Variants in SNAPC4 observed in about 807,000 individuals in gnomAD.
SNAPC4 encodes the protein snRNA-activating protein complex subunit 4.
SNAPC4 carries 127 observed loss-of-function variants against 151.3 expected under a neutral mutation model. The ratio of observed to expected loss-of-function variants is 0.84; its 90% confidence interval spans 0.73 to 0.97. The LOEUF (loss-of-function observed/expected upper bound fraction) is 0.97, where lower values mean the gene tolerates loss of function less well. Among genes scored for constraint, SNAPC4 ranks in the 50% least tolerant of loss-of-function variants. The pLI, the probability that SNAPC4 is intolerant of heterozygous loss-of-function variation, is 0.00. For synonymous variants in SNAPC4, 1,002 were observed against 824.4 expected (o/e 1.22, Z -3.69); for missense variants, 2,186 against 1,935.0 (o/e 1.13, Z -2.43).
rs542621319 is a variant in SNAPC4 at position 136,383,533 on chromosome 9, C to T, written c.1636G>A (p.Glu546Lys). 2.3e-5 allele frequency: 36 copies of T among 1,592,526 alleles called. No homozygotes were observed. Among genetic ancestry groups the T allele is most frequent in the Admixed American group, 5.3e-5 (3 of 56,184 alleles). Reference protein sequence around the residue: ...SSSSSSSEEDEPEQAQAGEGD... With the variant: ...SSSSSSSEEDKPEQAQAGEGD... ...TCCCCGGCCTGCGCCTGCTCTGGCT[C>T]GTCCTCCTCGCTGCTGCTGCTGCTG... Residue 546 changes from glutamate (E) to lysine (K), a missense_variant, in exon 16 of 24, where the codon GAG (glutamate) becomes AAG (lysine). Glu to Lys is a moderately conservative substitution (Grantham distance 56, BLOSUM62 1). Transcript: ENST00000684778. The surrounding 1 kb of genome is among the most constrained non-coding windows in gnomAD (Gnocchi z 4.2).
intron 22 of SNAPC4, among the ~76,000 whole-genome samples, chr9:136,377,249 T>C (rs943189697): frequency 1.3e-5 from 2 of 152,122 alleles, no homozygotes; most frequent in African/African-American, 4.8e-5. Context: ...ATCCCAGAGC[T>C]TCTCGCTCAG....
At chr9:136,395,167 G>C in intron 5 of SNAPC4, 131 bp downstream of exon 5, 2 of 1,203,334 alleles carry the variant, frequency 1.7e-6, no homozygotes, top group Non-Finnish European at 2.3e-6. Flanking sequence ...GGAGGAGGCA[G>C]TTTGAAGGAG....
chr9:136,382,486 A>G, intron 16 of SNAPC4, 150 bp from the exon 17 acceptor site: 1 of 707,830 alleles, frequency 1.4e-6, no homozygotes, highest in East Asian at 2.7e-5. Flanking sequence ...AACGTCCACC[A>G]TGGGAAGCGT....
At chr9:136,388,392 T>TG in intron 11 of SNAPC4, 52 bp downstream of exon 11, 3 of 1,586,026 alleles carry the variant, frequency 1.9e-6, no homozygotes, top group East Asian at 2.2e-5. Context: ...TCCAGTGTCC[T>TG]GATATGGGGC....
intron 10 of SNAPC4, among the ~76,000 whole-genome samples, chr9:136,390,447 C>T (rs1360038283): frequency 3.5e-5 from 5 of 140,984 alleles, no homozygotes; most frequent in South Asian, 2.4e-4. Context: ...CCCAGCTACT[C>T]GGGAGGCTGA....
In SNAPC4 at chr9:136,378,413, G is replaced by A; in HGVS notation, c.3414C>T (p.Ala1138=). 2 of 1,603,828 alleles carry A rather than the reference G, an allele frequency of 1.2e-6. No individual in the cohort carries two copies. Among genetic ancestry groups the A allele is most frequent in the South Asian group, 2.2e-5 (2 of 90,604 alleles). The change falls in exon 22 of 24, where the codon GCC becomes GCT. Residue 1138 remains alanine (A), a synonymous_variant. Transcript: ENST00000684778. ...AAGGCTCCGGTTCCCTGTTCATATT[G>A]GCTGGGGGCTGCCAAGAGCTGCTCA... The part of the protein sequence containing the change: ...PALSSSWQPP[A]NMNREPEPSC...
chr9:136,384,158 G>T, intron 14 of SNAPC4, 126 bp from the exon 15 acceptor site: 1 of 701,082 alleles, frequency 1.4e-6, no homozygotes, highest in South Asian at 1.9e-5. Flanking sequence ...TCTCACGCTG[G>T]GGGGTCAAGC....
At position 136,392,794 on chromosome 9, in the gene SNAPC4, A is replaced by G; in HGVS notation, c.633-17T>C. 1 of 1,609,668 alleles carries G rather than the reference A, an allele frequency of 6.2e-7. No homozygotes were observed. Among genetic ancestry groups the G allele is most frequent in the Non-Finnish European group, 8.5e-7 (1 of 1,176,970 alleles). On this transcript the variant is annotated splice_polypyrimidine_tract_variant and intron_variant, in intron 7 of 23. Coordinates refer to ENST00000684778, the MANE Select transcript of SNAPC4 (RefSeq NM_003086.4). ...TACTCGAGCCTGCAAAGCAGAGCAG[A>G]GGCAGAAGGGCTGGGGCACGAGGGC...
At chr9:136,379,429 C>A in intron 21 of SNAPC4, 130 bp from the exon 22 acceptor site, 1 of 1,415,146 alleles carries the variant, frequency 7.1e-7, no homozygotes, top group Non-Finnish European at 9.5e-7. Flanking sequence ...GAGGGTCAAG[C>A]GGCACATCCT....
At chr9:136,392,158 C>T in intron 9 of SNAPC4, 52 bp from the exon 10 acceptor site, 2 of 1,599,666 alleles carry the variant, frequency 1.3e-6, no homozygotes, top group South Asian at 2.2e-5. Context: ...CAGGGGCACC[C>T]TAGACGCAGC....
chr9:136,381,187 A>C, intron 19 of SNAPC4, 135 bp downstream of exon 19: 1 of 749,278 alleles, frequency 1.3e-6, no homozygotes, highest in Non-Finnish European at 2.4e-6. Flanking sequence ...AGTGTAAGGC[A>C]TGAAAAGTGC....
chr9:136,388,493 C>A lies in SNAPC4; in HGVS notation c.1074G>T (p.Thr358=). The A allele has an allele frequency of 6.2e-7, 1 of 1,612,616 alleles. No individual in the cohort carries two copies. The highest frequency in any genetic ancestry group is 1.1e-5 in the South Asian group (1 of 90,850). ...EWTEEEDRML[T]QLVQEMRVGS... ...CGACGCGCATCTCCTGCACCAGCTG[C>A]GTGAGCATGCGGTCCTCCTCCTCTG... The change falls in exon 11 of 24, where the codon ACG becomes ACT. Residue 358 remains threonine, a synonymous_variant. Transcript: ENST00000684778.
At chr9:136,389,506 T>C (rs1833997641) in intron 10 of SNAPC4, among the ~76,000 whole-genome samples, 2 of 152,056 alleles carry the variant, frequency 1.3e-5, no homozygotes, top group Admixed American at 6.5e-5. Flanking sequence ...ATCACAGGTC[T>C]ATCTGAGACT....
At position 136,382,047 on chromosome 9, in the gene SNAPC4, C is replaced by T. The variant is rs1382738764; in HGVS notation, c.2094G>A (p.Leu698=). ...TQKEQLRQPP[L]PTSSPGVSSG... is the part of the protein sequence containing the mutation. ...AGCTGACCCCTGGGGATGAGGTGGG[C>T]AGGGGTGGCTGCCTCAGCTGCTCTT... The change falls in exon 18 of 24, where the codon CTG becomes CTA. Residue 698 remains leucine (L), a synonymous_variant. Transcript: ENST00000684778. 24 of 1,598,310 alleles carry T rather than the reference C, an allele frequency of 1.5e-5. No homozygotes were observed. Among genetic ancestry groups the T allele is most frequent in the Non-Finnish European group, 2.0e-5 (24 of 1,173,178 alleles).
chr9:136,390,194 A>G (rs1350392245), intron 10 of SNAPC4, among the ~76,000 whole-genome samples: 2 of 152,164 alleles, frequency 1.3e-5, no homozygotes, highest in African/African-American at 4.8e-5. Flanking sequence ...GCGGGTGGGA[A>G]AGCAAAACCC....
intron 3 of SNAPC4, 59 bp from the exon 4 acceptor site, chr9:136,395,829 C>G: frequency 6.5e-7 from 1 of 1,530,730 alleles, no homozygotes; most frequent in African/African-American, 1.4e-5. Context: ...CCCCTGTCCT[C>G]GGCAGCCAGT....
At chr9:136,377,390 G>A (rs1382100366) in intron 22 of SNAPC4, among the ~76,000 whole-genome samples, 153 bp downstream of exon 22, 2 of 152,220 alleles carry the variant, frequency 1.3e-5, no homozygotes, top group African/African-American at 4.8e-5. Context: ...CAACTGGGCA[G>A]GCCAGGAACC....
intron 7 of SNAPC4, 77 bp from the exon 8 acceptor site, chr9:136,392,854 G>GC: frequency 8.5e-7 from 1 of 1,173,274 alleles, no homozygotes; most frequent in Non-Finnish European, 1.2e-6. Flanking sequence ...ACATTACAGG[G>GC]CAAGGAGTGT....
chr9:136,378,957 G>A lies in SNAPC4; in HGVS notation c.2870C>T (p.Ala957Val), dbSNP rs1447578214. The change falls in exon 22 of 24, where the codon GCC (alanine) becomes GTC (valine). Residue 957 changes from alanine (A) to valine (V), a missense_variant. Physicochemically the swap from Ala to Val is moderately conservative, Grantham distance 64 (BLOSUM62 0). Coordinates refer to ENST00000684778, the MANE Select transcript of SNAPC4 (RefSeq NM_003086.4). ...AGTGCCAGGTTTGGCTGCCGCGGGGGCCCCAGGCCCAGAGAGCGGTACATT... is the reference window on the plus strand; with the variant it reads ...AGTGCCAGGTTTGGCTGCCGCGGGGACCCCAGGCCCAGAGAGCGGTACATT... ...VLNVPLSGPGAPAAAKPGTSG... is the reference protein window; with the variant it reads ...VLNVPLSGPGVPAAAKPGTSG... 3.1e-6 allele frequency: 5 copies of A among 1,608,962 alleles called. No individual in the cohort carries two copies. Among genetic ancestry groups the A allele is most frequent in the Middle Eastern group, 1.7e-4 (1 of 6,024 alleles).
Sources: allele counts gnomAD v4.1 joint callset (sites outside exome capture counted in the v4.1 genomes callset), GRCh38; gene constraint gnomAD v4.1.1; non-coding constraint Gnocchi (gnomAD v3.1); transcripts MANE v1.5; gene names NCBI Gene and HGNC (gene_info 2026-07-23, HGNC 2026-07-21).